The following QTGAL variants were observed in gnomAD, a reference collection of about 807,000 sequenced individuals.
QTGAL encodes BGnT-like protein 1.
chr17:82,972,379 G>GACCAC, the QTGAL span, among the ~76,000 whole-genome samples: 1 of 125,108 alleles, frequency 8.0e-6, no homozygotes, highest in South Asian at 2.7e-4. Context: ...ACCCAGTACT[G>GACCAC]ACCACACCAC....
the QTGAL span, among the ~76,000 whole-genome samples, chr17:82,976,042 G>C: frequency 1.5e-3 from 125 of 81,146 alleles, 2 homozygotes; most frequent in Non-Finnish European, 2.1e-3. Flanking sequence ...GGACAGAGCC[G>C]GACTCCATCC....
At chr17:82,988,853 C>T in the QTGAL span, among the ~76,000 whole-genome samples, 7 of 152,184 alleles carry the variant, frequency 4.6e-5, no homozygotes, top group Non-Finnish European at 1.0e-4. Context: ...CAAGAAACAA[C>T]AGATGCTGGC....
At chr17:82,995,938 G>A in the QTGAL span, among the ~76,000 whole-genome samples, 1 of 151,920 alleles carries the variant, frequency 6.6e-6, no homozygotes, top group African/African-American at 2.4e-5. Context: ...TCTCTACGAT[G>A]AAAACTATAA....
the QTGAL span, among the ~76,000 whole-genome samples, chr17:82,964,789 C>A: frequency 9.5e-6 from 1 of 105,600 alleles, no homozygotes; most frequent in African/African-American, 3.7e-5. Context: ...GCAGGTGCAC[C>A]CCCACGGGGG....
At chr17:83,007,555 G>A in the QTGAL span, among the ~76,000 whole-genome samples, 155 of 152,120 alleles carry the variant, frequency 1.0e-3, 1 homozygote, top group African/African-American at 3.6e-3. Context: ...CAGCACTGCC[G>A]GGTCCTGGGA....
At chr17:82,945,620 GTTTGGTTTTTTAATCTTGGCTTAATA>G in the QTGAL span, 9 of 152,142 alleles carry the variant, frequency 5.9e-5, no homozygotes, top group Non-Finnish European at 1.3e-4. Context: ...ATTCTTATCT[GTTTGGTTTTTTAATCTTGGCTTAATA>G]TTTGGGGTTG....
the QTGAL span, among the ~76,000 whole-genome samples, chr17:83,022,060 G>A: frequency 6.6e-6 from 1 of 152,118 alleles, no homozygotes; most frequent in South Asian, 2.1e-4. Flanking sequence ...TGAACCAGAG[G>A]TCTCAATGTA....
chr17:83,042,800 T>C, the QTGAL span, among the ~76,000 whole-genome samples: 20 of 152,228 alleles, frequency 1.3e-4, no homozygotes, highest in African/African-American at 4.3e-4. Context: ...GCTGTCTATA[T>C]GAGGAATTCA....
the QTGAL span, among the ~76,000 whole-genome samples, chr17:83,034,598 C>T: frequency 6.6e-6 from 1 of 152,202 alleles, no homozygotes; most frequent in African/African-American, 2.4e-5. Flanking sequence ...GCTGTGTCCC[C>T]GCCCAAATCT....
At chr17:82,943,861 T>C in the QTGAL span, 4 of 152,284 alleles carry the variant, frequency 2.6e-5, no homozygotes, top group Non-Finnish European at 4.4e-5. Context: ...ACTGTCCCGA[T>C]TGGCTGGGGT....
At chr17:83,006,579 C>T in the QTGAL span, 1 of 985,482 alleles carries the variant, frequency 1.0e-6, no homozygotes, top group African/African-American at 1.7e-5. This position sits in a 1 kb window ranked among gnomAD's most constrained non-coding sequence, Gnocchi z 5.8. Flanking sequence ...GCGCCCCTTA[C>T]AGCCACTGGC....
chr17:83,033,210 T>C, the QTGAL span, among the ~76,000 whole-genome samples: 8 of 152,222 alleles, frequency 5.3e-5, no homozygotes, highest in East Asian at 1.5e-3. Context: ...TGTCCTGCTA[T>C]TGAAAAGTCT....
the QTGAL span, chr17:82,942,193 GT>G: frequency 7.2e-6 from 4 of 555,592 alleles, no homozygotes; most frequent in Non-Finnish European, 1.3e-5. Context: ...TTTCAAACGT[GT>G]GAATGCAGGT....
At chr17:82,957,518 G>C in the QTGAL span, 1 of 1,585,292 alleles carries the variant, frequency 6.3e-7, no homozygotes, top group Non-Finnish European at 8.6e-7. Flanking sequence ...GAGGGTGATA[G>C]GCAGGCCGGA....
the QTGAL span, chr17:82,945,305 G>GTAAT: frequency 6.6e-6 from 1 of 152,236 alleles, no homozygotes; most frequent in Non-Finnish European, 1.5e-5. Context: ...TAACCTTTGG[G>GTAAT]TAATTGGGGT....
At chr17:82,983,430 C>T in the QTGAL span, among the ~76,000 whole-genome samples, 2 of 152,166 alleles carry the variant, frequency 1.3e-5, no homozygotes, top group African/African-American at 2.4e-5. Flanking sequence ...AGAAGCCTGA[C>T]CTCCACGTGG....
the QTGAL span, among the ~76,000 whole-genome samples, chr17:83,018,734 T>C: frequency 6.6e-6 from 1 of 152,350 alleles, no homozygotes; most frequent in East Asian, 1.9e-4. Context: ...TTCCCTCTCA[T>C]GTCCCTACCA....
chr17:83,042,539 T>C, the QTGAL span, among the ~76,000 whole-genome samples: 2,208 of 152,288 alleles, frequency 0.014, 55 homozygotes, highest in African/African-American at 0.05. Context: ...AAGACGATCA[T>C]TTAGAAATAC....
At chr17:83,009,656 C>T in the QTGAL span, among the ~76,000 whole-genome samples, 8 of 152,196 alleles carry the variant, frequency 5.3e-5, no homozygotes, top group African/African-American at 1.2e-4. Context: ...CGATGGGCAG[C>T]GCAGGAGGGT....
Sources: gnomAD v4.1 joint callset for allele counts (sites outside exome capture counted in the v4.1 genomes callset) on GRCh38, gnomAD v4.1.1 for gene constraint, Gnocchi (gnomAD v3.1) non-coding constraint, MANE v1.5 for transcripts, NCBI Gene and HGNC (gene_info 2026-07-23, HGNC 2026-07-21) for gene names.